The following RFC5 variants were observed in gnomAD, a reference collection of about 807,000 sequenced individuals.
RFC5 encodes the protein replication factor C subunit 5, also known as A1 36 kDa subunit.
A neutral mutation model predicts 44.3 loss-of-function variants in RFC5; 26 were observed. The observed-to-expected ratio is 0.59, with a 90% confidence interval of 0.43 to 0.81. The LOEUF (loss-of-function observed/expected upper bound fraction) is 0.81. RFC5 is among the 40% of genes least tolerant of loss of function. The probability of loss-of-function intolerance (pLI) is 0.00; values close to 1 mark genes in which losing one functional copy is unlikely to be tolerated. For synonymous variants in RFC5, 155 were observed against 155.2 expected, an observed-to-expected ratio of 1.00 and a Z score of 0.01; for missense variants, 328 against 418.6, an observed-to-expected ratio of 0.78 and a Z score of 1.89.
downstream of RFC5, chr12:118,035,343 G>A (rs1168449257): frequency 1.9e-6 from 3 of 1,610,306 alleles, no homozygotes; most frequent in Non-Finnish European, 2.5e-6. Flanking sequence ...GAAAGAAACA[G>A]GATGGCAGGC....
Position 118,027,979 on chromosome 12 carries a change from G to C in RFC5, c.820G>C (p.Gly274Arg). 6.2e-7 allele frequency: 1 copy of C among 1,610,370 alleles called. No individual in the cohort carries two copies. Among genetic ancestry groups the C allele is most frequent in the Non-Finnish European group, 8.5e-7 (1 of 1,176,908 alleles). Residue 274 changes from glycine (G) to arginine (R), a missense_variant, in exon 9 of 11, where the codon GGG becomes CGG. Gly to Arg is a moderately radical substitution (Grantham distance 125). Transcript: ENST00000454402. ...TATTACAGAGTTGAAAACTCTGAAG[G>C]GGTTGGCACTGCATGATATCCTGAC... is the stretch of plus-strand genomic sequence containing the variant. Reference protein sequence around the residue: ...RNITELKTLKGLALHDILTEI... With the variant: ...RNITELKTLKRLALHDILTEI...
chr12:118,032,919 T>C (rs148695294), downstream of RFC5: 1 of 152,230 alleles, frequency 6.6e-6, no homozygotes, highest in East Asian at 1.9e-4. Flanking sequence ...TTTTAACTGT[T>C]GTTTTTTTCT....
Position 118,019,118 on chromosome 12 carries a change from C to A in RFC5, c.112C>A (p.Gln38Lys), listed in dbSNP as rs751804934. The change falls in exon 2 of 11, where the codon CAG becomes AAG. Residue 38 changes from glutamine to lysine, a missense_variant. Gln to Lys is a moderately conservative substitution (Grantham distance 53). Transcript: ENST00000454402. This position sits in a 1 kb window ranked among gnomAD's most constrained non-coding sequence, Gnocchi z 4.2. ...GACCCTGAATGATCTCATTTCTCAT[C>A]AGGACATTCTGAGTACCAGTAAGTA... Reference protein sequence around the residue: ...PQTLNDLISHQDILSTIQKFI... With the variant: ...PQTLNDLISHKDILSTIQKFI... 1.9e-6 allele frequency: 3 copies of A among 1,612,724 alleles called. No homozygotes were observed.
chr12:118,023,956 C>T (rs901687049), intron 5 of RFC5, among the ~76,000 whole-genome samples: 2 of 152,104 alleles, frequency 1.3e-5, no homozygotes, highest in Non-Finnish European at 2.9e-5. Context: ...GTGGCTCACA[C>T]CTGTAATCCC....
chr12:118,026,027 G>T (rs2030917555), intron 7 of RFC5, among the ~76,000 whole-genome samples, 199 bp downstream of exon 7: 1 of 151,920 alleles, frequency 6.6e-6, no homozygotes, highest in Non-Finnish European at 1.5e-5. Flanking sequence ...ATTTTTAGTA[G>T]AGATGGGGTT....
intron 6 of RFC5, 90 bp downstream of exon 6, chr12:118,025,100 T>C (rs1038177041): frequency 1.8e-5 from 23 of 1,302,248 alleles, no homozygotes; most frequent in African/African-American, 2.9e-5. Context: ...GAGAGGAATG[T>C]TGGAAAACGA....
In RFC5 at chr12:118,019,108, C is replaced by A; in HGVS notation, c.102C>A (p.Leu34=). 1.2e-6 allele frequency: 2 copies of A among 1,613,058 alleles called. No homozygotes were observed. The highest frequency in any genetic ancestry group is 1.7e-6 in the Non-Finnish European group (2 of 1,179,114). The change falls in exon 2 of 11, where the codon CTC becomes CTA. Residue 34 remains leucine (L), a synonymous_variant. Transcript: ENST00000454402. This position sits in a 1 kb window ranked among gnomAD's most constrained non-coding sequence, Gnocchi z 4.2. ...ACCGGCCACAGACCCTGAATGATCTCATTTCTCATCAGGACATTCTGAGTA... is the reference window on the plus strand; with the variant it reads ...ACCGGCCACAGACCCTGAATGATCTAATTTCTCATCAGGACATTCTGAGTA... ...EKYRPQTLND[L]ISHQDILSTI...
chr12:118,028,039 C>T lies in RFC5; in HGVS notation c.871+9C>T, dbSNP rs1177424408. The T allele has an allele frequency of 7.7e-6, 12 of 1,556,460 alleles. No individual in the cohort carries two copies. The highest frequency in any genetic ancestry group is 2.2e-5 in the East Asian group (1 of 44,650). ...CTTGTTTGTGCATAGAGGTAACTTACATTATCCCCCAGCTGAGAAGCTGTG... is the reference window on the plus strand; with the variant it reads ...CTTGTTTGTGCATAGAGGTAACTTATATTATCCCCCAGCTGAGAAGCTGTG... On this transcript the variant is annotated intron_variant, in intron 9 of 10. Transcript: ENST00000454402.
downstream of RFC5, chr12:118,036,510 C>T: frequency 6.2e-7 from 1 of 1,607,962 alleles, no homozygotes; most frequent in Non-Finnish European, 8.5e-7. Flanking sequence ...CATAGAAAGA[C>T]CTGTGGAAAG....
At chr12:118,038,055 A>G, downstream of RFC5, 1 of 394,596 alleles carries the variant, frequency 2.5e-6, no homozygotes, top group Non-Finnish European at 4.5e-6. Flanking sequence ...CCATTTTATA[A>G]AGGGAAACAG....
chr12:118,040,817 G>T, the RFC5 span, among the ~76,000 whole-genome samples: 3 of 152,174 alleles, frequency 2.0e-5, no homozygotes, highest in Non-Finnish European at 4.4e-5. Flanking sequence ...GGAAGCCCAG[G>T]TAGGCAGATC....
chr12:118,041,348 C>A, the RFC5 span, among the ~76,000 whole-genome samples: 1 of 152,152 alleles, frequency 6.6e-6, no homozygotes, highest in Non-Finnish European at 1.5e-5. Context: ...TGTTTACAAG[C>A]CAGGCAGCAG....
chr12:118,039,746 T>G, the RFC5 span, among the ~76,000 whole-genome samples: 2 of 151,694 alleles, frequency 1.3e-5, no homozygotes, highest in Non-Finnish European at 2.9e-5. Flanking sequence ...TCTTTTTTAT[T>G]TTTTTTTATT....
At chr12:118,027,856 C>T in intron 8 of RFC5, 97 bp from the exon 9 acceptor site, 1 of 754,954 alleles carries the variant, frequency 1.3e-6, no homozygotes, top group Admixed American at 1.9e-5. Flanking sequence ...GATTAAAAGC[C>T]TTACTTTAAA....
At chr12:118,029,648 G>A (rs2031184631) in intron 9 of RFC5, 123 bp from the exon 10 acceptor site, 1 of 771,776 alleles carries the variant, frequency 1.3e-6, no homozygotes, top group Non-Finnish European at 2.4e-6. Context: ...GGTATCTAGT[G>A]AGCAGGCTGA....
rs5745864 is a variant in RFC5 at position 118,026,233 on chromosome 12, T to C, written c.663+405T>C. Among the ~76,000 whole-genome samples the C allele has an allele frequency of 9.6e-3, 1,463 of 152,294 alleles. 18 individuals carry two copies. Among genetic ancestry groups the C allele is most frequent in the African/African-American group, 0.033 (1,351 of 41,560 alleles). On this transcript the variant is annotated intron_variant, in intron 7 of 10. Transcript: ENST00000454402. ...TGATCAATCTGTAAATTTTGAAATC[T>C]ACAGCTGGTAAGACCTTGGTCTCAT... is the stretch of plus-strand genomic sequence containing the variant.
At chr12:118,020,806 G>A in intron 3 of RFC5, 100 bp from the exon 4 acceptor site, 1 of 653,752 alleles carries the variant, frequency 1.5e-6, no homozygotes, top group East Asian at 2.7e-5. Context: ...TAGAGAGCTA[G>A]CCTGCTGAGC....
At position 118,021,046 on chromosome 12, in the gene RFC5, A is replaced by C. The variant is rs1376942138; in HGVS notation, c.347+61A>C. On this transcript the variant is annotated intron_variant, in intron 4 of 10. Coordinates refer to ENST00000454402, the MANE Select transcript of RFC5 (RefSeq NM_007370.7). ...TTGATTAGTAAGATGATATGGGTTAATTTTTTAATCCTCTCCTTAGCCAGT... is the reference window on the plus strand; with the variant it reads ...TTGATTAGTAAGATGATATGGGTTACTTTTTTAATCCTCTCCTTAGCCAGT... 2.9e-6 allele frequency: 3 copies of C among 1,049,778 alleles called. No individual in the cohort carries two copies. The East Asian group carries it at 7.2e-5, about 25-fold the overall frequency. The allele number at this position is 1,049,778 out of a possible 1,614,324, so 65.0% of individuals were successfully genotyped here. A position where few individuals can be genotyped will look rare whatever the true frequency, so the allele number is the denominator to read the frequency against.
chr12:118,025,010 A>C lies in RFC5; in HGVS notation c.581A>C (p.Lys194Thr). 1 of 1,612,550 alleles carries C rather than the reference A, an allele frequency of 6.2e-7. No individual in the cohort carries two copies. Among genetic ancestry groups the C allele is most frequent in the Non-Finnish European group, 8.5e-7 (1 of 1,179,520 alleles). ...PRLEHVVEEEKVDISEDGMKA... is the reference protein window; with the variant it reads ...PRLEHVVEEETVDISEDGMKA... ...CTGGAACATGTCGTGGAAGAAGAGA[A>C]GTGAGTATTTTGCGGGCCTTTGGGG... is the stretch of plus-strand genomic sequence containing the variant. Residue 194 changes from lysine (K) to threonine (T), a missense_variant and splice_region_variant, in exon 6 of 11, where the codon AAA becomes ACA. Coordinates refer to ENST00000454402, the MANE Select transcript of RFC5 (RefSeq NM_007370.7).
Sources: allele counts gnomAD v4.1 joint callset (sites outside exome capture counted in the v4.1 genomes callset), GRCh38; gene constraint gnomAD v4.1.1; non-coding constraint Gnocchi (gnomAD v3.1); transcripts MANE v1.5; gene names NCBI Gene and HGNC (gene_info 2026-07-23, HGNC 2026-07-21).